SERINC5: variants seen among roughly 807,000 people sequenced by gnomAD.
The protein encoded by SERINC5 is chromosome 5 open reading frame 12.
Under a neutral mutation model 63.1 loss-of-function variants are expected in SERINC5, and 41 were observed. The ratio of observed to expected loss-of-function variants is 0.65; its 90% CI spans 0.51 to 0.84. The LOEUF is 0.84. Among genes scored for constraint, SERINC5 ranks in the 40% least tolerant of loss-of-function variants. SERINC5 has a pLI of 0.00. For synonymous variants in SERINC5, 222 were observed against 215.2 expected, an observed-to-expected ratio of 1.03 and a Z score of -0.28; for missense variants, 523 against 573.0, an observed-to-expected ratio of 0.91 and a Z score of 0.89.
intron 4 of SERINC5, among the ~76,000 whole-genome samples, chr5:80,176,754 T>C (rs1276633696): frequency 6.6e-6 from 1 of 152,140 alleles, no homozygotes; most frequent in Non-Finnish European, 1.5e-5. Flanking sequence ...TTTTAATACC[T>C]TACTTAGGAA....
intron 3 of SERINC5, 73 bp from the exon 4 acceptor site, chr5:80,177,470 G>C (rs1263199546): frequency 8.6e-6 from 10 of 1,162,538 alleles, no homozygotes; most frequent in African/African-American, 3.1e-5. Flanking sequence ...CCTCGTAGAA[G>C]GTACAGCATG....
chr5:80,245,363 T>G, intron 1 of SERINC5, among the ~76,000 whole-genome samples: 1 of 152,300 alleles, frequency 6.6e-6, no homozygotes, highest in East Asian at 1.9e-4. Context: ...CTGCATGGGC[T>G]CATCCACTTC....
chr5:80,221,340 C>A (rs143748653), intron 1 of SERINC5, among the ~76,000 whole-genome samples: 29 of 152,320 alleles, frequency 1.9e-4, no homozygotes, highest in African/African-American at 6.7e-4. Flanking sequence ...GCCAGCTGCC[C>A]TCGCTCTTCA....
At chr5:80,167,232 C>T (rs1163484769) in intron 6 of SERINC5, 5 of 152,136 alleles carry the variant, frequency 3.3e-5, no homozygotes, top group South Asian at 2.1e-4. Flanking sequence ...TCTCCTTCCT[C>T]CCACCTCCAC....
chr5:80,117,098 T>C (rs1367897290), intron 11 of SERINC5, among the ~76,000 whole-genome samples: 2 of 152,134 alleles, frequency 1.3e-5, no homozygotes, highest in African/African-American at 4.8e-5. Flanking sequence ...CCCAAAGTGC[T>C]GGGATTACAG....
downstream of SERINC5, among the ~76,000 whole-genome samples, chr5:80,137,300 C>G (rs1745243480): frequency 6.6e-6 from 1 of 152,056 alleles, no homozygotes; most frequent in African/African-American, 2.4e-5. Flanking sequence ...TAGCATTATT[C>G]ATAATGGCCA....
intron 1 of SERINC5, among the ~76,000 whole-genome samples, chr5:80,235,902 A>C (rs1270666646): frequency 1.3e-5 from 2 of 152,232 alleles, no homozygotes; most frequent in African/African-American, 4.8e-5. Flanking sequence ...ACACTGTGCA[A>C]ATTAAGGCAA....
chr5:80,118,136 G>C (rs150247266), intron 11 of SERINC5, among the ~76,000 whole-genome samples: 2 of 152,000 alleles, frequency 1.3e-5, no homozygotes, highest in East Asian at 3.9e-4. Flanking sequence ...CTGGGAGGCG[G>C]AGGTTGCAAT....
intron 9 of SERINC5, among the ~76,000 whole-genome samples, chr5:80,147,957 C>A (rs746262633): frequency 6.6e-6 from 1 of 152,104 alleles, no homozygotes; most frequent in Non-Finnish European, 1.5e-5. Flanking sequence ...AGTGACAGAG[C>A]TGGAACAGAC....
At chr5:80,233,596 T>C (rs1207931754) in intron 1 of SERINC5, among the ~76,000 whole-genome samples, 1 of 151,976 alleles carries the variant, frequency 6.6e-6, no homozygotes, top group Non-Finnish European at 1.5e-5. Context: ...AAAATAAAAC[T>C]AGGACTTTTT....
At chr5:80,228,722 C>T (rs6882667) in intron 1 of SERINC5, among the ~76,000 whole-genome samples, 79,641 of 151,968 alleles carry the variant, frequency 0.52, 22,195 homozygotes, top group African/African-American at 0.73. Context: ...AACCACCATG[C>T]CCAGCCAGGA....
intron 1 of SERINC5, among the ~76,000 whole-genome samples, chr5:80,235,249 TGTA>T (rs1751631304): frequency 6.6e-6 from 1 of 152,246 alleles, no homozygotes; most frequent in Non-Finnish European, 1.5e-5. Context: ...GCAACCACGT[TGTA>T]GTATGTGACA....
intron 1 of SERINC5, chr5:80,254,939 C>G (rs1752584014): frequency 6.6e-6 from 1 of 152,234 alleles, no homozygotes. Context: ...TGTGGAAAGG[C>G]TGAGTGTCAG....
chr5:80,131,364 C>T (rs1471438911), intron 11 of SERINC5, among the ~76,000 whole-genome samples: 1 of 152,206 alleles, frequency 6.6e-6, no homozygotes, highest in African/African-American at 2.4e-5. Flanking sequence ...CCATGTGGAG[C>T]TGTGAATCAA....
At chr5:80,205,910 A>AAAAAC (rs201969229) in intron 1 of SERINC5, among the ~76,000 whole-genome samples, 13,971 of 149,336 alleles carry the variant, frequency 0.094, 868 homozygotes, top group Non-Finnish European at 0.14. Flanking sequence ...CGTCTCTACT[A>AAAAAC]AATACAAAAC....
chr5:80,255,551 C>A (rs941931274), intron 1 of SERINC5, among the ~76,000 whole-genome samples: 1 of 152,184 alleles, frequency 6.6e-6, no homozygotes, highest in African/African-American at 2.4e-5. Context: ...GAGAGGGCTA[C>A]GGAGCTCAGC....
chr5:80,205,913 T>A (rs11948931), intron 1 of SERINC5, among the ~76,000 whole-genome samples: 28,648 of 118,976 alleles, frequency 0.24, 3,044 homozygotes, highest in Non-Finnish European at 0.29. Flanking sequence ...CTCTACTAAA[T>A]ACAAAACAAA....
At chr5:80,173,225 AGAAGGAAGGAAG>A (rs58622143) in intron 5 of SERINC5, among the ~76,000 whole-genome samples, 10,777 of 137,754 alleles carry the variant, frequency 0.078, 501 homozygotes, top group African/African-American at 0.14. Context: ...CAGGAAGGAA[AGAAGGAAGGAAG>A]GAAGGAAGGA....
intron 11 of SERINC5, among the ~76,000 whole-genome samples, chr5:80,113,870 C>T (rs1744229565): frequency 6.6e-6 from 1 of 151,918 alleles, no homozygotes; most frequent in African/African-American, 2.4e-5. Flanking sequence ...CCTGATGGCA[C>T]CCACCCATAA....
Sources: gnomAD v4.1 joint callset for allele counts (sites outside exome capture counted in the v4.1 genomes callset) on GRCh38, gnomAD v4.1.1 for gene constraint, MANE v1.5 for transcripts, NCBI Gene and HGNC (gene_info 2026-07-23, HGNC 2026-07-21) for gene names.